The following POLR1C variants were observed in gnomAD, a reference collection of about 807,000 sequenced individuals.
POLR1C encodes the protein DNA-directed RNA polymerases I and III subunit RPAC1.
Under a neutral mutation model 38.3 loss-of-function variants are expected in POLR1C, and 42 were observed. The observed-to-expected ratio is 1.10, with a 90% confidence interval of 0.86 to 1.42. The LOEUF (loss-of-function observed/expected upper bound fraction) is 1.42, where lower values mean the gene tolerates loss of function less well. Among genes scored for constraint, POLR1C ranks in the 40% most tolerant of loss-of-function variants. The pLI, the probability that POLR1C is intolerant of heterozygous loss-of-function variation, is 0.00. For synonymous variants in POLR1C, 163 were observed against 163.9 expected, an observed-to-expected ratio of 0.99 and a Z score of 0.04; for missense variants, 507 against 450.5, an observed-to-expected ratio of 1.13 and a Z score of -1.14.
chr6:43,518,748 A>G (rs1485522809), intron 2 of POLR1C, among the ~76,000 whole-genome samples: 1 of 152,168 alleles, frequency 6.6e-6, no homozygotes, highest in African/African-American at 2.4e-5. Context: ...CAGTGGCGCG[A>G]TCTTGGCTCA....
At chr6:43,546,007 G>C (rs1166222275) in intron 9 of POLR1C, among the ~76,000 whole-genome samples, 2 of 152,102 alleles carry the variant, frequency 1.3e-5, no homozygotes, top group Non-Finnish European at 2.9e-5. Flanking sequence ...TTCTGCCTTT[G>C]AAATAAGCTC....
intron 9 of POLR1C, among the ~76,000 whole-genome samples, chr6:43,545,740 C>T: frequency 6.6e-6 from 1 of 151,912 alleles, no homozygotes; most frequent in East Asian, 1.9e-4. Context: ...AAAACCAATC[C>T]TGTGAGATAC....
intron 2 of POLR1C, among the ~76,000 whole-genome samples, chr6:43,518,211 C>A (rs922446918): frequency 6.6e-6 from 1 of 152,086 alleles, no homozygotes; most frequent in Non-Finnish European, 1.5e-5. Flanking sequence ...TGAGGAGGAT[C>A]ATATGGAGCA....
exon 9 of POLR1C, chr6:43,529,509 A>C (rs1793822837): frequency 8.5e-6 from 2 of 235,278 alleles, no homozygotes; most frequent in Admixed American, 1.1e-4. Context: ...AGCCGAGATC[A>C]CGCCACTGCA....
chr6:43,546,720 C>T (rs772751325), intron 9 of POLR1C: 14 of 1,611,174 alleles, frequency 8.7e-6, no homozygotes, highest in East Asian at 4.5e-5. Context: ...TTCGTTTCAC[C>T]ACACCCAGAA....
intron 9 of POLR1C, among the ~76,000 whole-genome samples, chr6:43,548,643 G>A (rs759929973): frequency 1.3e-5 from 2 of 151,862 alleles, no homozygotes; most frequent in African/African-American, 4.8e-5. Context: ...CAATTTAGGC[G>A]GAAGATAGCT....
At chr6:43,523,985 G>T (rs1227524993), downstream of POLR1C, 7 of 1,613,396 alleles carry the variant, frequency 4.3e-6, no homozygotes, top group Non-Finnish European at 5.9e-6. Flanking sequence ...CTTCTTTTCG[G>T]AACTGCTCTC....
chr6:43,526,271 A>ACC (rs1341702566), downstream of POLR1C: 2 of 364,274 alleles, frequency 5.5e-6, no homozygotes, highest in African/African-American at 4.1e-5. Context: ...ATGGGAGTTT[A>ACC]CATTCTAACA....
downstream of POLR1C, chr6:43,523,140 C>CGTATCATTAA: frequency 6.0e-6 from 1 of 165,348 alleles, no homozygotes; most frequent in Non-Finnish European, 1.3e-5. Flanking sequence ...CTGGGGAGGC[C>CGTATCATTAA]AGACTGAGGG....
chr6:43,559,493 T>C (rs1158279485), intron 10 of POLR1C, among the ~76,000 whole-genome samples: 1 of 152,208 alleles, frequency 6.6e-6, no homozygotes, highest in Non-Finnish European at 1.5e-5. Flanking sequence ...CCACTCTCAC[T>C]CCCCTCATTT....
intron 10 of POLR1C, among the ~76,000 whole-genome samples, chr6:43,557,155 G>C (rs893843606): frequency 7.2e-6 from 1 of 139,344 alleles, no homozygotes; most frequent in Non-Finnish European, 1.5e-5. Flanking sequence ...GGCTGGGTGT[G>C]GTGGCTTACG....
chr6:43,523,983 C>T (rs983939759), downstream of POLR1C: 7 of 1,613,542 alleles, frequency 4.3e-6, no homozygotes, highest in South Asian at 1.1e-5. Context: ...AACTTCTTTT[C>T]GGAACTGCTC....
chr6:43,534,764 G>T (rs1035681705), intron 9 of POLR1C, among the ~76,000 whole-genome samples: 1 of 152,168 alleles, frequency 6.6e-6, no homozygotes, highest in African/African-American at 2.4e-5. Context: ...TTGGGAGGCC[G>T]AGGCTGGCGA....
rs762740683 is a variant in POLR1C at position 43,519,286 on chromosome 6, TAC to T, written c.142-43_142-42del. On this transcript the variant is annotated intron_variant, in intron 2 of 8. Coordinates refer to ENST00000642195, the MANE Select transcript of POLR1C (RefSeq NM_203290.4). ...CTAAGGGGGAGGTATGAAGAGATAT[TAC>T]ACAGAGAGCAGATTTCACTTAAATG... 44 of 1,172,618 alleles carry T rather than the reference TAC, an allele frequency of 3.8e-5. No homozygotes were observed. In the South Asian group the frequency reaches 4.0e-4, roughly 11 times the overall value. The allele number at this position is 1,172,618 out of a possible 1,614,324, so 72.6% of individuals were successfully genotyped here.
chr6:43,521,127 G>GAGTA, intron 8 of POLR1C, 55 bp from the exon 9 acceptor site: 3 of 1,606,906 alleles, frequency 1.9e-6, no homozygotes, highest in African/African-American at 1.3e-5. Context: ...TGAAGTTTAT[G>GAGTA]AGTAAGTTTT....
intron 2 of POLR1C, chr6:43,519,089 C>G: frequency 1.8e-6 from 1 of 553,706 alleles, no homozygotes; most frequent in South Asian, 2.0e-5. Flanking sequence ...AGTAGAATAG[C>G]TTCTGTGGAT....
At chr6:43,521,550 A>T, downstream of POLR1C, 1 of 1,054,370 alleles carries the variant, frequency 9.5e-7, no homozygotes, top group South Asian at 1.7e-5. Flanking sequence ...TTTTTGAGAC[A>T]GTCTCACTGT....
At position 43,520,961 on chromosome 6, in the gene POLR1C, CG is replaced by C; in HGVS notation, c.837del (p.Leu280TrpfsTer14). ...GKKVARVANP[R>X]LDTFSREIFR... ...AAAGGTGGCCAGAGTTGCCAACCCC[CG>C]GCTGGATACCTTCAGCAGAGAAATC... is the stretch of plus-strand genomic sequence containing the variant. On this transcript the variant is annotated frameshift_variant, in exon 8 of 9. Coordinates refer to ENST00000642195, the MANE Select transcript of POLR1C (RefSeq NM_203290.4). LOFTEE classifies it high-confidence loss of function. The C allele has an allele frequency of 1.2e-6, 2 of 1,614,166 alleles. No individual in the cohort carries two copies. The highest frequency in any genetic ancestry group is 1.7e-6 in the Non-Finnish European group (2 of 1,180,020).
At chr6:43,535,037 A>C (rs1035922972) in intron 9 of POLR1C, among the ~76,000 whole-genome samples, 3 of 151,594 alleles carry the variant, frequency 2.0e-5, no homozygotes, top group Non-Finnish European at 2.9e-5. Flanking sequence ...TCATGCCTGT[A>C]ATCCCAGCAC....
Sources: allele counts gnomAD v4.1 joint callset (sites outside exome capture counted in the v4.1 genomes callset), GRCh38; gene constraint gnomAD v4.1.1; transcripts MANE v1.5; gene names NCBI Gene and HGNC (gene_info 2026-07-23, HGNC 2026-07-21).